Variants in RASGEF1C observed in about 807,000 individuals in gnomAD.
RASGEF1C encodes ras-GEF domain-containing family member 1C.
Under a neutral mutation model 58.1 loss-of-function variants are expected in RASGEF1C, and 27 were observed. The ratio of observed to expected loss-of-function variants is 0.46; its 90% CI spans 0.34 to 0.64. RASGEF1C has a LOEUF of 0.64. Ranked by LOEUF, RASGEF1C falls within the 30% of genes least tolerant of loss-of-function variation. The pLI is 0.01. For missense variants in RASGEF1C, 502 were observed against 605.1 expected (o/e 0.83, Z 1.79); for synonymous variants, 243 against 246.3 (o/e 0.99, Z 0.13).
chr5:180,123,740 A>C (rs970941088), intron 6 of RASGEF1C, among the ~76,000 whole-genome samples: 5 of 152,276 alleles, frequency 3.3e-5, no homozygotes, highest in African/African-American at 4.8e-5. Context: ...AGTAAAAAAA[A>C]CTGCAATCTA....
chr5:180,150,588 G>A (rs1389300764), intron 1 of RASGEF1C, among the ~76,000 whole-genome samples: 1 of 151,876 alleles, frequency 6.6e-6, no homozygotes, highest in Non-Finnish European at 1.5e-5. Flanking sequence ...CTAGCACTTT[G>A]GGAGGCTGAG....
intron 1 of RASGEF1C, among the ~76,000 whole-genome samples, chr5:180,174,153 G>A (rs549346681): frequency 2.8e-4 from 43 of 152,032 alleles, no homozygotes; most frequent in African/African-American, 9.2e-4. Context: ...GAGTGACTTC[G>A]GGCAGACTGT....
At chr5:180,202,872 T>G (rs1756419621) in intron 1 of RASGEF1C, among the ~76,000 whole-genome samples, 2 of 152,072 alleles carry the variant, frequency 1.3e-5, no homozygotes, top group Non-Finnish European at 2.9e-5. Context: ...CGGGCTAATT[T>G]TTTGTATTTT....
At chr5:180,152,052 T>C (rs553907735) in intron 1 of RASGEF1C, among the ~76,000 whole-genome samples, 1 of 149,698 alleles carries the variant, frequency 6.7e-6, no homozygotes, top group South Asian at 2.1e-4. Context: ...TGGCGATCAT[T>C]AAAAAGTCAG....
At chr5:180,200,534 C>T (rs1463187088) in intron 1 of RASGEF1C, among the ~76,000 whole-genome samples, 4 of 151,770 alleles carry the variant, frequency 2.6e-5, no homozygotes, top group East Asian at 2.0e-4. Flanking sequence ...AGGATGGTCT[C>T]GATCTCCTGA....
At chr5:180,204,397 GA>G (rs1030972639) in intron 1 of RASGEF1C, among the ~76,000 whole-genome samples, 5 of 152,168 alleles carry the variant, frequency 3.3e-5, no homozygotes, top group Non-Finnish European at 7.3e-5. Context: ...ACTTATTTCA[GA>G]AATGCAAAGA....
chr5:180,110,392 CTTTTTTT>C (rs67020657), intron 12 of RASGEF1C, among the ~76,000 whole-genome samples: 2 of 132,288 alleles, frequency 1.5e-5, no homozygotes, highest in African/African-American at 2.8e-5. Context: ...ATCCTTCTCC[CTTTTTTT>C]TTTTTTTTTT....
chr5:180,173,807 G>A (rs1301572020), intron 1 of RASGEF1C, among the ~76,000 whole-genome samples: 2 of 152,078 alleles, frequency 1.3e-5, no homozygotes, highest in Non-Finnish European at 2.9e-5. Context: ...CAGCTGCTAG[G>A]GAGGCTGAGG....
intron 1 of RASGEF1C, among the ~76,000 whole-genome samples, chr5:180,175,958 A>T (rs973332238): frequency 2.6e-5 from 4 of 152,252 alleles, no homozygotes; most frequent in African/African-American, 9.6e-5. Flanking sequence ...ACTGCACTCC[A>T]GCCTGGGCGA....
chr5:180,173,793 A>G (rs532425612), intron 1 of RASGEF1C, among the ~76,000 whole-genome samples: 124 of 152,060 alleles, frequency 8.2e-4, no homozygotes, highest in African/African-American at 1.9e-3. Flanking sequence ...GGCGCCTGTA[A>G]TCCCAGCTGC....
In RASGEF1C at chr5:180,136,405, G is replaced by A. The variant is rs988870339; in HGVS notation, c.411C>T (p.Val137=). 4 of 1,559,210 alleles carry A rather than the reference G, an allele frequency of 2.6e-6. No individual in the cohort carries two copies. Among genetic ancestry groups the A allele is most frequent in the Admixed American group, 3.8e-5 (2 of 52,756 alleles). The change falls in exon 4 of 14, where the codon GTC becomes GTT. Residue 137 remains valine, a synonymous_variant. Transcript: ENST00000361132. Reference sequence around the variant, plus strand: ...CGTCACAGGGGGCGATGCGGCCCACGACGTCCTTAAGGTGCCCGATAGTCG... The same window carrying A: ...CGTCACAGGGGGCGATGCGGCCCACAACGTCCTTAAGGTGCCCGATAGTCG... ...EESTIGHLKD[V]VGRIAPCDEA...
chr5:180,188,403 G>A (rs536629185), intron 1 of RASGEF1C, among the ~76,000 whole-genome samples: 1 of 152,292 alleles, frequency 6.6e-6, no homozygotes, highest in South Asian at 2.1e-4. Context: ...CTAGACAGAG[G>A]TGGCAGTTAC....
intron 11 of RASGEF1C, among the ~76,000 whole-genome samples, chr5:180,113,323 C>T (rs1278753112): frequency 1.1e-3 from 37 of 33,244 alleles, no homozygotes; most frequent in African/African-American, 1.6e-3. Context: ...GACGGAGGGA[C>T]CGGGGATGGA....
At chr5:180,104,931 C>A (rs1765850023) in intron 12 of RASGEF1C, among the ~76,000 whole-genome samples, 1 of 151,996 alleles carries the variant, frequency 6.6e-6, no homozygotes. Context: ...CTGTTTTACT[C>A]CTGGTACAGT....
chr5:180,179,643 G>T (rs1024016510), intron 1 of RASGEF1C, among the ~76,000 whole-genome samples: 8 of 152,230 alleles, frequency 5.3e-5, no homozygotes, highest in Non-Finnish European at 7.3e-5. Context: ...GGAAGGAGAC[G>T]CGTCCTGCCA....
In RASGEF1C at chr5:180,168,539, G is replaced by C. The variant is rs1037753184; in HGVS notation, c.-6-30481C>G. On this transcript the variant is annotated intron_variant, in intron 1 of 13. Coordinates refer to ENST00000361132, the MANE Select transcript of RASGEF1C (RefSeq NM_175062.4). This position sits in a 1 kb window ranked among gnomAD's most constrained non-coding sequence, Gnocchi z 6.0. ...TTTCCTGGGGCTCTGCATTTCCGTC[G>C]TCGAGCCAGAAAGCTAGGGCTTTCC... is the stretch of plus-strand genomic sequence containing the variant. Among the ~76,000 whole-genome samples the C allele has an allele frequency of 6.6e-6, 1 of 152,122 alleles. No homozygotes were observed. The highest frequency in any genetic ancestry group is 2.1e-4 in the South Asian group (1 of 4,826).
Position 180,137,015 on chromosome 5 carries a change from C to G in RASGEF1C, c.301-500G>C, listed in dbSNP as rs992420604. On this transcript the variant is annotated intron_variant, in intron 3 of 13. Transcript: ENST00000361132. The surrounding 1 kb of genome is among the most constrained non-coding windows in gnomAD (Gnocchi z 4.1). ...TGGTGCGGTGGAGGCGGCCAAGCGC[C>G]ACACCAGCCAGCCCGAGGGAGGCCA... 6.6e-6 allele frequency among the ~76,000 whole-genome samples: 1 copy of G among 152,144 alleles called. No homozygotes were observed. Among genetic ancestry groups the G allele is most frequent in the East Asian group, 1.9e-4 (1 of 5,168 alleles).
At chr5:180,140,797 G>A (rs1052809263) in intron 1 of RASGEF1C, among the ~76,000 whole-genome samples, 2 of 152,258 alleles carry the variant, frequency 1.3e-5, no homozygotes, top group African/African-American at 2.4e-5. Flanking sequence ...GCTGACGGCA[G>A]GATGCAATCG....
At position 180,137,641 on chromosome 5, in the gene RASGEF1C, G is replaced by C; in HGVS notation, c.249C>G (p.Val83=). 1 of 1,612,644 alleles carries C rather than the reference G, an allele frequency of 6.2e-7. No individual in the cohort carries two copies. Among genetic ancestry groups the C allele is most frequent in the Non-Finnish European group, 8.5e-7 (1 of 1,179,942 alleles). ...FIEPRELLAR[V]CHLCIEQQQL... ...GCTGCTGCTCGATGCACAGGTGGCAGACCCGGGCCAGGAGCTCCCGGGGCT... is the reference window on the plus strand; with the variant it reads ...GCTGCTGCTCGATGCACAGGTGGCACACCCGGGCCAGGAGCTCCCGGGGCT... Residue 83 remains valine (V), a synonymous_variant, in exon 3 of 14, where the codon GTC becomes GTG. Coordinates refer to ENST00000361132, the MANE Select transcript of RASGEF1C (RefSeq NM_175062.4). This position sits in a 1 kb window ranked among gnomAD's most constrained non-coding sequence, Gnocchi z 4.1.
Sources: allele counts gnomAD v4.1 joint callset (sites outside exome capture counted in the v4.1 genomes callset), GRCh38; gene constraint gnomAD v4.1.1; non-coding constraint Gnocchi (gnomAD v3.1); transcripts MANE v1.5; gene names NCBI Gene and HGNC (gene_info 2026-07-23, HGNC 2026-07-21).